GAN: variants seen among roughly 807,000 people sequenced by gnomAD.
GAN encodes the protein gigaxonin.
A neutral mutation model predicts 71.3 loss-of-function variants in GAN; 48 were observed. The ratio of observed to expected loss-of-function variants is 0.67; its 90% CI spans 0.53 to 0.86. The LOEUF (loss-of-function observed/expected upper bound fraction) is 0.86, where lower values mean the gene tolerates loss of function less well. GAN is among the 40% of genes least tolerant of loss of function. The probability of loss-of-function intolerance (pLI) is 0.00; values close to 1 mark genes in which losing one functional copy is unlikely to be tolerated. For missense variants in GAN, 928 were observed against 770.1 expected (o/e 1.21, Z -2.43); for synonymous variants, 386 against 276.8 (o/e 1.39, Z -3.92).
At chr16:81,336,027 C>G (rs991120475) in intron 1 of GAN, among the ~76,000 whole-genome samples, 1 of 152,154 alleles carries the variant, frequency 6.6e-6, no homozygotes, top group Non-Finnish European at 1.5e-5. Context: ...AGGCAGGTCA[C>G]CAAGACCATC....
At chr16:81,315,503 G>T (rs1438980748) in intron 1 of GAN, among the ~76,000 whole-genome samples, 1 of 151,980 alleles carries the variant, frequency 6.6e-6, no homozygotes, top group Non-Finnish European at 1.5e-5. Flanking sequence ...CTCCCCACTG[G>T]ACCCCCGCGC....
At chr16:81,354,902 G>A in intron 3 of GAN, 147 bp downstream of exon 3, 2 of 627,210 alleles carry the variant, frequency 3.2e-6, no homozygotes. Context: ...CCTATATCAT[G>A]AAAGCAGTTG....
At chr16:81,368,578 C>G (rs1465909118) in intron 9 of GAN, among the ~76,000 whole-genome samples, 2 of 152,190 alleles carry the variant, frequency 1.3e-5, no homozygotes, top group Non-Finnish European at 2.9e-5. Context: ...CCACTACACT[C>G]CATCCTGAGT....
chr16:81,322,353 C>T (rs994144265), intron 1 of GAN, among the ~76,000 whole-genome samples: 12 of 152,212 alleles, frequency 7.9e-5, no homozygotes, highest in African/African-American at 2.7e-4. Context: ...ATCTCAGCAG[C>T]GGCTAGGTAC....
Position 81,329,486 on chromosome 16 carries a change from C to T in GAN, c.167+14206C>T, listed in dbSNP as rs201733000. Among the ~76,000 whole-genome samples, 9 of 152,310 alleles carry T rather than the reference C, an allele frequency of 5.9e-5. No homozygotes were observed. In the East Asian group the frequency reaches 1.7e-3, roughly 29 times the overall value. Reference sequence around the variant, plus strand: ...ACCAGGCTTCTTGAAAGAAAAGTATCTCTTTATCTTGTGCACAGTCTCAGC... The same window carrying T: ...ACCAGGCTTCTTGAAAGAAAAGTATTTCTTTATCTTGTGCACAGTCTCAGC... On this transcript the variant is annotated intron_variant, in intron 1 of 10. Transcript: ENST00000648994.
At chr16:81,335,709 T>C (rs1909734764) in intron 1 of GAN, among the ~76,000 whole-genome samples, 1 of 137,408 alleles carries the variant, frequency 7.3e-6, no homozygotes, top group Non-Finnish European at 1.5e-5. Context: ...ATCACGACAC[T>C]GCGCTCCAGC....
chr16:81,362,585 TG>T lies in GAN; in HGVS notation c.1062del (p.Trp354Ter). On this transcript the variant is annotated frameshift_variant, in exon 6 of 11. Coordinates refer to ENST00000648994, the MANE Select transcript of GAN (RefSeq NM_022041.4). LOFTEE classifies it high-confidence loss of function. ...GEKYDPDANT[W>X]TALPPMNEAR... is the part of the protein sequence containing the mutation. ...AAAGTATGATCCAGATGCAAATACA[TG>T]GACAGCATTGCCACCTATGAACGAG... 1 of 1,576,802 alleles carries T rather than the reference TG, an allele frequency of 6.3e-7. No individual in the cohort carries two copies. The highest frequency in any genetic ancestry group is 8.7e-7 in the Non-Finnish European group (1 of 1,145,860).
Position 81,390,721 on chromosome 16 carries a change from T to A in GAN, c.*13125T>A, listed in dbSNP as rs1463830500. On this transcript the variant is annotated 3_prime_UTR_variant, in exon 11 of 11. Transcript: ENST00000648994. ...ATGTATTGGAAGTTCACTTAAAAACTTGAAATATTTTCTAGAAGGGTACCA... is the reference window on the plus strand; with the variant it reads ...ATGTATTGGAAGTTCACTTAAAAACATGAAATATTTTCTAGAAGGGTACCA... The A allele has an allele frequency of 2.0e-5, 3 of 152,240 alleles. No homozygotes were observed. The highest frequency in any genetic ancestry group is 3.8e-4 in the East Asian group (2 of 5,208). 9.4% of individuals were successfully genotyped at this position (152,240 alleles called of 1,614,324 possible).
At chr16:81,327,688 G>A (rs976355811) in intron 1 of GAN, among the ~76,000 whole-genome samples, 1 of 152,180 alleles carries the variant, frequency 6.6e-6, no homozygotes, top group Admixed American at 6.5e-5. Context: ...ACTTGCTTCT[G>A]AAGTATGGAG....
In GAN at chr16:81,377,211, G is replaced by C. The variant is rs1337645668; in HGVS notation, c.1503-8G>C. 1.3e-6 allele frequency: 2 copies of C among 1,538,276 alleles called. No individual in the cohort carries two copies. The highest frequency in any genetic ancestry group is 9.0e-7 in the Non-Finnish European group (1 of 1,110,886). On this transcript the variant is annotated splice_region_variant and splice_polypyrimidine_tract_variant and intron_variant, in intron 9 of 10. Coordinates refer to ENST00000648994, the MANE Select transcript of GAN (RefSeq NM_022041.4). ...TTCCTTAATTTTGTGCATGGGCTTT[G>C]TTTTCAGGTGGATCTATCTTAACGA...
intron 1 of GAN, among the ~76,000 whole-genome samples, chr16:81,338,723 C>A (rs1164034812): frequency 6.6e-6 from 1 of 152,178 alleles, no homozygotes; most frequent in Non-Finnish European, 1.5e-5. Flanking sequence ...TAGAAAGGAA[C>A]GGTGACTGTC....
intron 1 of GAN, among the ~76,000 whole-genome samples, chr16:81,341,281 G>A (rs924336246): frequency 1.3e-5 from 2 of 152,088 alleles, no homozygotes; most frequent in Non-Finnish European, 2.9e-5. Context: ...TCAAATTCAG[G>A]AAATACAGAG....
chr16:81,318,866 A>G (rs1909131664), intron 1 of GAN, among the ~76,000 whole-genome samples: 1 of 152,202 alleles, frequency 6.6e-6, no homozygotes, highest in South Asian at 2.1e-4. Flanking sequence ...CCTAGGGTGC[A>G]GCTGCTCCAG....
rs762528573 is a variant in GAN at position 81,356,974 on chromosome 16, A to G, written c.823A>G (p.Ile275Val). Residue 275 changes from isoleucine (I) to valine (V), a missense_variant, in exon 4 of 11, where the codon ATC becomes GTC. Physicochemically the swap from Ile to Val is conservative, Grantham distance 29. Transcript: ENST00000648994. ...CAAACCCCGGGGCTACTCTGAGTGC[A>G]TCGTGACTGTTGGTGGAGAAGAGAG... Reference protein sequence around the residue: ...NFKPRGYSECIVTVGGEERVS... With the variant: ...NFKPRGYSECVVTVGGEERVS... 4 of 1,610,840 alleles carry G rather than the reference A, an allele frequency of 2.5e-6. No individual in the cohort carries two copies. The highest frequency in any genetic ancestry group is 1.3e-5 in the African/African-American group (1 of 75,010).
chr16:81,333,888 C>A (rs781606278), intron 1 of GAN, among the ~76,000 whole-genome samples: 4 of 152,214 alleles, frequency 2.6e-5, no homozygotes, highest in African/African-American at 4.8e-5. Flanking sequence ...TAGTTGTGCA[C>A]GTCCACAATC....
intron 6 of GAN, 113 bp from the exon 7 acceptor site, chr16:81,363,681 A>T: frequency 9.7e-7 from 1 of 1,026,262 alleles, no homozygotes; most frequent in South Asian, 1.3e-5. Context: ...AGGAGTCCCC[A>T]TTGTCTATTT....
intron 1 of GAN, among the ~76,000 whole-genome samples, chr16:81,329,584 CA>C (rs1909504931): frequency 6.6e-6 from 1 of 152,162 alleles, no homozygotes; most frequent in South Asian, 2.1e-4. Flanking sequence ...TAAAAAATTG[CA>C]GTGTATAATT....
At chr16:81,326,750 C>G (rs1909402816) in intron 1 of GAN, among the ~76,000 whole-genome samples, 1 of 152,186 alleles carries the variant, frequency 6.6e-6, no homozygotes, top group East Asian at 1.9e-4. Context: ...TGTGACTGTA[C>G]TGAACACTGT....
At chr16:81,347,880 G>A (rs1440568005) in intron 1 of GAN, among the ~76,000 whole-genome samples, 2 of 151,988 alleles carry the variant, frequency 1.3e-5, no homozygotes, top group Admixed American at 6.6e-5. Context: ...ATTTTCATCC[G>A]TTACTGAGAG....
Sources: gnomAD v4.1 joint callset for allele counts (sites outside exome capture counted in the v4.1 genomes callset) on GRCh38, gnomAD v4.1.1 for gene constraint, MANE v1.5 for transcripts, NCBI Gene and HGNC (gene_info 2026-07-23, HGNC 2026-07-21) for gene names.